Variants in USP39 observed in about 807,000 individuals in gnomAD.
USP39 encodes the protein ubiquitin specific peptidase 39, also known as ubiquitin carboxyl-terminal hydrolase 39.
A neutral mutation model predicts 66.4 loss-of-function variants in USP39; 38 were observed. The ratio of observed to expected loss-of-function variants is 0.57; its 90% CI spans 0.44 to 0.75. The LOEUF (loss-of-function observed/expected upper bound fraction) is 0.75, where lower values mean the gene tolerates loss of function less well. USP39 is among the 30% of genes least tolerant of loss of function. The pLI, the probability that USP39 is intolerant of heterozygous loss-of-function variation, is 0.00. For missense variants in USP39, 608 were observed against 714.4 expected, an observed-to-expected ratio of 0.85 and a Z score of 1.70; for synonymous variants, 303 against 274.6, an observed-to-expected ratio of 1.10 and a Z score of -1.02.
In USP39 at chr2:85,648,780, A is replaced by G. The variant is rs1676837519; in HGVS notation, c.1670A>G (p.Asn557Ser). ...TTACAGATTTGGAAGAGGCGAGATAATGATGAAACCAACCAGCAGGGGGCT... is the reference window on the plus strand; with the variant it reads ...TTACAGATTTGGAAGAGGCGAGATAGTGATGAAACCAACCAGCAGGGGGCT... ...AYIQIWKRRDNDETNQQGA is the reference protein window; with the variant it reads ...AYIQIWKRRDSDETNQQGA The change falls in exon 13 of 13, where the codon AAT (asparagine) becomes AGT (serine). Residue 557 changes from asparagine to serine, a missense_variant. Transcript: ENST00000323701. 9 of 1,614,136 alleles carry G rather than the reference A, an allele frequency of 5.6e-6. No individual in the cohort carries two copies. In the African/African-American group the frequency reaches 9.3e-5, roughly 17 times the overall value.
upstream of USP39, chr2:85,608,749 T>G: frequency 3.8e-6 from 1 of 265,522 alleles, no homozygotes; most frequent in Non-Finnish European, 6.9e-6. Flanking sequence ...AATATCAGGC[T>G]GGGCAAATGG....
At chr2:85,634,266 A>G (rs940400408) in intron 6 of USP39, among the ~76,000 whole-genome samples, 5 of 151,940 alleles carry the variant, frequency 3.3e-5, no homozygotes, top group Non-Finnish European at 7.4e-5. Flanking sequence ...GTTGGTTACA[A>G]CATGGCCAAT....
At chr2:85,624,245 G>A (rs1479121523) in intron 4 of USP39, among the ~76,000 whole-genome samples, 1 of 152,096 alleles carries the variant, frequency 6.6e-6, no homozygotes, top group African/African-American at 2.4e-5. Flanking sequence ...ATTGTACTGA[G>A]CATGGAAAGT....
At chr2:85,606,679 C>G (rs1381856950) in intron 1 of USP39, 1 of 152,152 alleles carries the variant, frequency 6.6e-6, no homozygotes, top group East Asian at 1.9e-4. Context: ...AGTTTAATAG[C>G]AAGGAGTTTC....
intron 10 of USP39, among the ~76,000 whole-genome samples, chr2:85,643,030 A>G (rs1245415278): frequency 6.6e-6 from 1 of 151,384 alleles, no homozygotes; most frequent in African/African-American, 2.4e-5. Flanking sequence ...TGAGCTCAGG[A>G]GTTTGAGACC....
intron 5 of USP39, among the ~76,000 whole-genome samples, chr2:85,630,165 C>T (rs1238028788): frequency 6.6e-6 from 1 of 152,016 alleles, no homozygotes; most frequent in Non-Finnish European, 1.5e-5. Flanking sequence ...ATTGTTCTTA[C>T]ACCTTTGCGT....
intron 2 of USP39, among the ~76,000 whole-genome samples, chr2:85,620,666 T>C (rs1393744276): frequency 6.6e-6 from 1 of 152,086 alleles, no homozygotes; most frequent in African/African-American, 2.4e-5. Flanking sequence ...GCTTGAACAT[T>C]GTGGATTTTG....
chr2:85,625,942 C>T (rs189909144), intron 5 of USP39, among the ~76,000 whole-genome samples: 125 of 151,946 alleles, frequency 8.2e-4, no homozygotes, highest in Non-Finnish European at 1.3e-3. Context: ...CGCTTGAATC[C>T]GGGAGGCAGA....
At chr2:85,637,507 G>T in intron 8 of USP39, 71 bp downstream of exon 8, 8 of 1,532,558 alleles carry the variant, frequency 5.2e-6, no homozygotes, top group Non-Finnish European at 7.2e-6. Context: ...ATGAAGAGAT[G>T]CTCAGAGAAC....
upstream of USP39, chr2:85,608,009 A>C (rs1291631299): frequency 6.6e-6 from 1 of 152,128 alleles, no homozygotes; most frequent in Non-Finnish European, 1.5e-5. Context: ...GCTAATATTG[A>C]CTTTCCCTTT....
chr2:85,643,933 A>T (rs1211000824), intron 10 of USP39, among the ~76,000 whole-genome samples: 1 of 152,096 alleles, frequency 6.6e-6, no homozygotes, highest in Non-Finnish European at 1.5e-5. Context: ...GATTACAGGC[A>T]TGAGCCACCG....
chr2:85,636,190 G>T (rs184153684), intron 7 of USP39, 60 bp downstream of exon 7: 2 of 1,498,272 alleles, frequency 1.3e-6, no homozygotes, highest in Non-Finnish European at 1.9e-6. Flanking sequence ...CTTTGCGGTC[G>T]GTCGCAATGG....
intron 6 of USP39, 96 bp downstream of exon 6, chr2:85,631,042 TCTCA>T (rs1190960436): frequency 4.7e-6 from 5 of 1,062,742 alleles, no homozygotes; most frequent in East Asian, 4.9e-5. Context: ...TGAGATGGAG[TCTCA>T]CTCTGTCACC....
chr2:85,629,551 C>T (rs1675159520), intron 5 of USP39, among the ~76,000 whole-genome samples: 2 of 148,108 alleles, frequency 1.4e-5, no homozygotes, highest in South Asian at 4.2e-4. Flanking sequence ...GGCTGGAGTG[C>T]AGTGGTGCCA....
chr2:85,609,047 C>T (rs761640978), upstream of USP39: 1 of 1,614,236 alleles, frequency 6.2e-7, no homozygotes, highest in Admixed American at 1.7e-5. Context: ...CCTTCTCACT[C>T]ACCTTTCCTG....
chr2:85,607,473 G>A (rs1351163155), upstream of USP39: 2 of 152,240 alleles, frequency 1.3e-5, no homozygotes, highest in African/African-American at 2.4e-5. Context: ...CAGCTCTGTA[G>A]GTCTGGAGCA....
Position 85,619,218 on chromosome 2 carries a change from A to T in USP39, c.269-2A>T. ...CAAAGCCTGTGATGATTTTCCTTTC[A>T]GCAAAGAATGGCCGAGTGGATTCTG... On this transcript the variant is annotated splice_acceptor_variant, in intron 1 of 12. Transcript: ENST00000323701. LOFTEE classifies it high-confidence loss of function. The T allele has an allele frequency of 6.2e-7, 1 of 1,613,780 alleles. No homozygotes were observed. Among genetic ancestry groups the T allele is most frequent in the Non-Finnish European group, 8.5e-7 (1 of 1,179,940 alleles).
Position 85,648,773 on chromosome 2 carries a change from C to A in USP39, c.1663C>A (p.Arg555=), listed in dbSNP as rs755005706. Residue 555 remains arginine, a synonymous_variant, in exon 13 of 13, where the codon CGA becomes AGA. Coordinates refer to ENST00000323701, the MANE Select transcript of USP39 (RefSeq NM_006590.4). ...SEAYIQIWKR[R]DNDETNQQGA ...TCATTTCTTACAGATTTGGAAGAGGCGAGATAATGATGAAACCAACCAGCA... is the reference window on the plus strand; with the variant it reads ...TCATTTCTTACAGATTTGGAAGAGGAGAGATAATGATGAAACCAACCAGCA... 1 of 1,614,048 alleles carries A rather than the reference C, an allele frequency of 6.2e-7. No homozygotes were observed. Among genetic ancestry groups the A allele is most frequent in the East Asian group, 2.2e-5 (1 of 44,872 alleles).
chr2:85,645,818 T>C (rs1419180023), intron 11 of USP39: 5 of 152,266 alleles, frequency 3.3e-5, no homozygotes, highest in African/African-American at 1.2e-4. Context: ...TTCAAGTTAA[T>C]TGAGATGGGG....
Sources: allele counts gnomAD v4.1 joint callset (sites outside exome capture counted in the v4.1 genomes callset), GRCh38; gene constraint gnomAD v4.1.1; transcripts MANE v1.5; gene names NCBI Gene and HGNC (gene_info 2026-07-23, HGNC 2026-07-21).